The following TRAPPC9 variants were observed in gnomAD, a reference collection of about 807,000 sequenced individuals.
The protein encoded by TRAPPC9 is IKK2 binding protein.
TRAPPC9 carries 83 observed loss-of-function variants against 124.0 expected under a neutral mutation model. That is an observed-to-expected ratio of 0.67 (90% CI 0.56 to 0.80). TRAPPC9 has a LOEUF of 0.80. TRAPPC9 is among the 30% of genes least tolerant of loss of function. The pLI is 0.00. For synonymous variants in TRAPPC9, 638 were observed against 617.5 expected, an observed-to-expected ratio of 1.03 and a Z score of -0.49; for missense variants, 1,302 against 1,508.3, an observed-to-expected ratio of 0.86 and a Z score of 2.27.
At chr8:140,061,999 A>C (rs1842647019) in intron 17 of TRAPPC9, among the ~76,000 whole-genome samples, 1 of 152,180 alleles carries the variant, frequency 6.6e-6, no homozygotes, top group Admixed American at 6.5e-5. Flanking sequence ...CAGCCCAGTC[A>C]CACCCCATTC....
rs1266080217 is a variant in TRAPPC9 at position 140,287,630 on chromosome 8, C to A, written c.1959G>T (p.Thr653=). 1.9e-6 allele frequency: 3 copies of A among 1,614,056 alleles called. No homozygotes were observed. The highest frequency in any genetic ancestry group is 3.3e-5 in the Admixed American group (2 of 59,996). ...YPVTLVGVPQ[T]TGTITVNGYH... ...TACCGTTCACAGTAATCGTTCCAGT[C>A]GTCTGCGGGACCCCGACGAGCGTCA... Residue 653 remains threonine (T), a synonymous_variant, in exon 13 of 23, where the codon ACG becomes ACT. Coordinates refer to ENST00000438773, the MANE Select transcript of TRAPPC9 (RefSeq NM_001160372.4).
rs548860585 is a variant in TRAPPC9 at position 140,270,978 on chromosome 8, G to A, written c.2278+4680C>T. On this transcript the variant is annotated intron_variant, in intron 15 of 22. Transcript: ENST00000438773. ...TGCTTCAGAAAGAAAGGGGGATTTTGTAATGAATAATGGGCACACGATTAC... is the reference window on the plus strand; with the variant it reads ...TGCTTCAGAAAGAAAGGGGGATTTTATAATGAATAATGGGCACACGATTAC... 2.0e-5 allele frequency among the ~76,000 whole-genome samples: 3 copies of A among 152,320 alleles called. No individual in the cohort carries two copies. The South Asian group carries it at 6.2e-4, about 32-fold the overall frequency.
chr8:139,905,487 C>T (rs536894464), intron 20 of TRAPPC9, among the ~76,000 whole-genome samples: 1 of 152,162 alleles, frequency 6.6e-6, no homozygotes, highest in South Asian at 2.1e-4. Flanking sequence ...AGCAGGGACT[C>T]GCCCCGTGCA....
intron 21 of TRAPPC9, among the ~76,000 whole-genome samples, chr8:139,786,866 G>A (rs1822290726): frequency 6.6e-6 from 1 of 152,148 alleles, no homozygotes; most frequent in Non-Finnish European, 1.5e-5. Context: ...CAGAAAACGG[G>A]TCAGTGATCG....
At chr8:140,432,745 G>A (rs182870518) in intron 4 of TRAPPC9, among the ~76,000 whole-genome samples, 49 of 152,088 alleles carry the variant, frequency 3.2e-4, no homozygotes, top group African/African-American at 1.1e-3. Context: ...GGTGGCGGAC[G>A]CCTGTAGTCC....
intron 7 of TRAPPC9, among the ~76,000 whole-genome samples, chr8:140,397,115 A>G (rs1047588420): frequency 1.3e-5 from 2 of 152,218 alleles, no homozygotes; most frequent in Non-Finnish European, 2.9e-5. Flanking sequence ...AAGACTATCA[A>G]TTTTAGGATT....
intron 17 of TRAPPC9, among the ~76,000 whole-genome samples, chr8:140,183,960 A>G (rs1587874547): frequency 7.9e-4 from 5 of 6,318 alleles, no homozygotes; most frequent in Non-Finnish European, 1.0e-3. Context: ...AGGGGAGGGG[A>G]GGGAGGAGGG....
chr8:139,831,845 G>A (rs562875808), intron 21 of TRAPPC9, among the ~76,000 whole-genome samples: 1 of 152,374 alleles, frequency 6.6e-6, no homozygotes, highest in Non-Finnish European at 1.5e-5. Context: ...AGTAGGGAGA[G>A]CGGAAGGCTG....
At chr8:139,950,385 G>A (rs182538950) in intron 19 of TRAPPC9, among the ~76,000 whole-genome samples, 6 of 152,348 alleles carry the variant, frequency 3.9e-5, no homozygotes, top group Non-Finnish European at 5.9e-5. Context: ...AATGGTTCTC[G>A]CGAATTCAAG....
intron 17 of TRAPPC9, among the ~76,000 whole-genome samples, chr8:140,140,242 G>A (rs1321229132): frequency 2.0e-5 from 3 of 152,174 alleles, no homozygotes; most frequent in African/African-American, 7.2e-5. Context: ...AGACATCCCA[G>A]CTCCCAGTGG....
At chr8:140,414,012 T>C (rs1321498048) in intron 5 of TRAPPC9, among the ~76,000 whole-genome samples, 1 of 152,080 alleles carries the variant, frequency 6.6e-6, no homozygotes, top group Non-Finnish European at 1.5e-5. Flanking sequence ...TTATAGTCCT[T>C]TGGGTATATA....
rs1210036943 is a variant in TRAPPC9 at position 140,287,726 on chromosome 8, G to A, written c.1863C>T (p.Leu621=). ...GAGACTCGAACTCCACTCCGCTGGT[G>A]AGCAGCCCCTAAACCAAGCGACGCA... The part of the protein sequence containing the change: ...FELRVENMGL[L]TSGVEFESLP... The change falls in exon 13 of 23, where the codon CTC becomes CTT. Residue 621 remains leucine, a synonymous_variant. Transcript: ENST00000438773. 1.9e-6 allele frequency: 3 copies of A among 1,614,056 alleles called. No individual in the cohort carries two copies. Among genetic ancestry groups the A allele is most frequent in the Non-Finnish European group, 2.5e-6 (3 of 1,180,050 alleles).
chr8:139,926,059 G>A (rs1342348766), intron 19 of TRAPPC9, among the ~76,000 whole-genome samples: 6 of 152,344 alleles, frequency 3.9e-5, no homozygotes, highest in Non-Finnish European at 7.3e-5. Flanking sequence ...GTGACGTCAC[G>A]TGGATAGCCT....
intron 21 of TRAPPC9, among the ~76,000 whole-genome samples, chr8:139,777,472 T>C (rs933638060): frequency 6.6e-6 from 1 of 152,212 alleles, no homozygotes; most frequent in Admixed American, 6.5e-5. Flanking sequence ...TAGGGCATTG[T>C]AGAGGCGAGG....
chr8:140,229,130 C>T (rs1310907611), intron 16 of TRAPPC9, among the ~76,000 whole-genome samples: 1 of 150,274 alleles, frequency 6.7e-6, no homozygotes, highest in Admixed American at 6.6e-5. Context: ...ATTTCAGGTA[C>T]ATAGAAAATA....
At chr8:140,378,524 C>A (rs1489982142) in intron 7 of TRAPPC9, among the ~76,000 whole-genome samples, 2 of 152,114 alleles carry the variant, frequency 1.3e-5, no homozygotes, top group Non-Finnish European at 2.9e-5. Flanking sequence ...TGCAGACGGC[C>A]TATTGTGGAA....
rs567173831 is a variant in TRAPPC9 at position 140,039,060 on chromosome 8, G to A, written c.2557-14981C>T. Among the ~76,000 whole-genome samples, 17 of 152,302 alleles carry A rather than the reference G, an allele frequency of 1.1e-4. No individual in the cohort carries two copies. The Middle Eastern group carries it at 0.014, about 122-fold the overall frequency. On this transcript the variant is annotated intron_variant, in intron 17 of 22. Transcript: ENST00000438773. ...TGCAGTGATCTACAAGATCCCATCC[G>A]GTGTTAAATCTGTGGTAACCAGTCC... is the stretch of plus-strand genomic sequence containing the variant.
Position 140,045,374 on chromosome 8 carries a change from C to A in TRAPPC9, c.2557-21295G>T, listed in dbSNP as rs570994590. 5.1e-3 allele frequency among the ~76,000 whole-genome samples: 782 copies of A among 152,192 alleles called. 1 individual carries two copies. The highest frequency in any genetic ancestry group is 9.1e-3 in the Non-Finnish European group (620 of 68,008). ...GGTGCGGTGGCTCATGCCTGTAATC[C>A]CAGCACTTTGGGAGACCGAGGCGGG... On this transcript the variant is annotated intron_variant, in intron 17 of 22. Transcript: ENST00000438773.
intron 17 of TRAPPC9, among the ~76,000 whole-genome samples, chr8:140,089,511 T>G (rs1844424896): frequency 6.6e-6 from 1 of 152,212 alleles, no homozygotes. Context: ...TATGCCAGGT[T>G]TCACCACTAA....
Sources: gnomAD v4.1 joint callset for allele counts (sites outside exome capture counted in the v4.1 genomes callset) on GRCh38, gnomAD v4.1.1 for gene constraint, MANE v1.5 for transcripts, NCBI Gene and HGNC (gene_info 2026-07-23, HGNC 2026-07-21) for gene names.